KIF6: variants seen among roughly 807,000 people sequenced by gnomAD.
KIF6 encodes kinesin-like protein KIF6.
Under a neutral mutation model 112.7 loss-of-function variants are expected in KIF6, and 106 were observed. The observed-to-expected ratio is 0.94, with a 90% CI of 0.80 to 1.11. KIF6 has a LOEUF of 1.11. KIF6 is among the 50% of genes least tolerant of loss of function. The pLI, the probability that KIF6 is intolerant of heterozygous loss-of-function variation, is 0.00. For synonymous variants in KIF6, 339 were observed against 339.9 expected (o/e 1.00, Z 0.03); for missense variants, 929 against 964.0 (o/e 0.96, Z 0.48).
intron 11 of KIF6, among the ~76,000 whole-genome samples, chr6:39,544,987 C>T (rs1384186026): frequency 2.0e-5 from 3 of 152,166 alleles, no homozygotes; most frequent in African/African-American, 7.2e-5. Flanking sequence ...TTCCCTTTCT[C>T]TATACATCAT....
chr6:39,567,167 T>C (rs531410301), intron 10 of KIF6, among the ~76,000 whole-genome samples: 67 of 152,300 alleles, frequency 4.4e-4, no homozygotes, highest in African/African-American at 1.4e-3. Flanking sequence ...CAAGGAATCA[T>C]AGTAACAGGT....
intron 15 of KIF6, among the ~76,000 whole-genome samples, chr6:39,416,973 G>A (rs534410049): frequency 9.2e-5 from 14 of 152,114 alleles, no homozygotes; most frequent in South Asian, 4.1e-4. Flanking sequence ...GCACCATCCC[G>A]TGCAGACAGG....
rs757716735 is a variant in KIF6 at position 39,634,918 on chromosome 6, T to G, written c.440A>C (p.Glu147Ala). Residue 147 changes from glutamate to alanine, a missense_variant, in exon 5 of 23, where the codon GAA (glutamate) becomes GCA (alanine). Physicochemically the swap from Glu to Ala is moderately radical, Grantham distance 107. Around this residue, in one of 2 missense-constraint regions of KIF6, gnomAD observed 688 missense variants for 662.7 expected, o/e 1.04. Transcript: ENST00000287152. The part of the protein sequence containing the change: ...KIYTTHISYL[E>A]IYNECGYDLL... Reference sequence around the variant, plus strand: ...ATCATAACCACATTCATTGTAGATTTCCAAATAGGAAATGTGTGTTGTATA... The same window carrying G: ...ATCATAACCACATTCATTGTAGATTGCCAAATAGGAAATGTGTGTTGTATA... The G allele has an allele frequency of 1.7e-5, 28 of 1,612,122 alleles. No individual in the cohort carries two copies. Among genetic ancestry groups the G allele is most frequent in the Non-Finnish European group, 2.4e-5 (28 of 1,178,458 alleles).
intron 13 of KIF6, among the ~76,000 whole-genome samples, chr6:39,462,193 G>A (rs548831169): frequency 7.9e-5 from 12 of 152,284 alleles, no homozygotes; most frequent in Middle Eastern, 3.4e-3. Flanking sequence ...GTATGAGAAC[G>A]TTTGGAGGGG....
At chr6:39,532,256 G>A (rs1358710304) in intron 13 of KIF6, among the ~76,000 whole-genome samples, 1 of 152,034 alleles carries the variant, frequency 6.6e-6, no homozygotes, top group African/African-American at 2.4e-5. Flanking sequence ...AGAACTTATA[G>A]GATAAAGATT....
At chr6:39,559,454 G>A (rs1779897290) in intron 10 of KIF6, among the ~76,000 whole-genome samples, 1 of 152,036 alleles carries the variant, frequency 6.6e-6, no homozygotes. Flanking sequence ...TCTGCAACAT[G>A]TCCCTAAAAT....
At chr6:39,540,631 G>C (rs756718216) in intron 12 of KIF6, among the ~76,000 whole-genome samples, 3 of 152,252 alleles carry the variant, frequency 2.0e-5, no homozygotes, top group Non-Finnish European at 4.4e-5. Flanking sequence ...GCCTGCTCGG[G>C]AGGCAGCAGC....
At chr6:39,481,005 C>A (rs11963098) in intron 13 of KIF6, among the ~76,000 whole-genome samples, 2 of 151,860 alleles carry the variant, frequency 1.3e-5, no homozygotes, top group Admixed American at 6.6e-5. Flanking sequence ...TTCAAAGAAC[C>A]GGCCTTTTGT....
At chr6:39,431,943 G>T (rs1479665551) in intron 13 of KIF6, among the ~76,000 whole-genome samples, 3 of 150,580 alleles carry the variant, frequency 2.0e-5, no homozygotes, top group Admixed American at 1.3e-4. Context: ...GATTTTGGAT[G>T]CATCTATAGA....
intron 18 of KIF6, among the ~76,000 whole-genome samples, chr6:39,359,472 C>T (rs980838810): frequency 6.6e-6 from 1 of 152,058 alleles, no homozygotes; most frequent in Non-Finnish European, 1.5e-5. Flanking sequence ...CATGATGGAA[C>T]AGTAACAGCC....
chr6:39,448,315 C>T (rs1014955922), intron 13 of KIF6, among the ~76,000 whole-genome samples: 5 of 152,064 alleles, frequency 3.3e-5, no homozygotes, highest in African/African-American at 1.2e-4. Flanking sequence ...GCTGGGATTA[C>T]AGGCACCTGC....
chr6:39,343,501 G>A lies in KIF6; in HGVS notation c.2428+208C>T. The stretch of plus-strand genomic sequence containing the variant: ...GAGCACCTGGGCCGCCCACCCACTT[G>A]GGCCTGTCTTGGTGTTTCTGATGCT... On this transcript the variant is annotated intron_variant, in intron 22 of 22. Transcript: ENST00000287152. This position sits in a 1 kb window ranked among gnomAD's most constrained non-coding sequence, Gnocchi z 4.1. The A allele has an allele frequency of 5.3e-6, 8 of 1,497,082 alleles. No homozygotes were observed. Among genetic ancestry groups the A allele is most frequent in the Non-Finnish European group, 7.1e-6 (8 of 1,122,008 alleles). 92.7% of individuals were successfully genotyped at this position (1,497,082 alleles called of 1,614,324 possible).
chr6:39,577,943 C>A, intron 10 of KIF6, 113 bp downstream of exon 10: 1 of 657,354 alleles, frequency 1.5e-6, no homozygotes, highest in Non-Finnish European at 2.6e-6. Flanking sequence ...CAATTTCAGA[C>A]TGTCCCAGGA....
intron 10 of KIF6, among the ~76,000 whole-genome samples, chr6:39,547,145 C>T (rs1779111973): frequency 6.6e-6 from 1 of 152,020 alleles, no homozygotes; most frequent in Non-Finnish European, 1.5e-5. Context: ...ATACTTTCAG[C>T]ATCTTTTAAA....
chr6:39,682,113 G>A (rs1787554767), intron 3 of KIF6, among the ~76,000 whole-genome samples: 2 of 152,116 alleles, frequency 1.3e-5, no homozygotes, highest in Admixed American at 6.5e-5. Flanking sequence ...ATGTTCTCAT[G>A]GAACTTATGT....
In KIF6 at chr6:39,626,516, G is replaced by C. The variant is rs114638875; in HGVS notation, c.509+8333C>G. On this transcript the variant is annotated intron_variant, in intron 5 of 22. Transcript: ENST00000287152. ...CTCTTAGCAGACATGAAATCCTGGG[G>C]TAACAGCACACAATCTCTGTGAACC... Among the ~76,000 whole-genome samples, 1,180 of 152,222 alleles carry C rather than the reference G, an allele frequency of 7.8e-3. 19 individuals carry two copies. Among genetic ancestry groups the C allele is most frequent in the African/African-American group, 0.027 (1,123 of 41,544 alleles).
chr6:39,622,383 G>A (rs1783876723), intron 5 of KIF6, among the ~76,000 whole-genome samples: 3 of 152,018 alleles, frequency 2.0e-5, no homozygotes, highest in Non-Finnish European at 2.9e-5. Context: ...ACACATAAAA[G>A]TTTAAATTCT....
chr6:39,665,732 G>A (rs1179659456), intron 3 of KIF6, among the ~76,000 whole-genome samples: 1 of 151,144 alleles, frequency 6.6e-6, no homozygotes, highest in African/African-American at 2.4e-5. Context: ...TTTTCTTTTA[G>A]GACATAACTC....
chr6:39,605,452 C>CT (rs1161589367), intron 6 of KIF6, among the ~76,000 whole-genome samples: 1 of 151,894 alleles, frequency 6.6e-6, no homozygotes, highest in African/African-American at 2.4e-5. Flanking sequence ...TTCAAACTGT[C>CT]TTTTTTATAC....
Sources: allele counts gnomAD v4.1 joint callset (sites outside exome capture counted in the v4.1 genomes callset), GRCh38; gene constraint gnomAD v4.1.1; regional missense constraint gnomAD v4.1.1; non-coding constraint Gnocchi (gnomAD v3.1); transcripts MANE v1.5; gene names NCBI Gene and HGNC (gene_info 2026-07-23, HGNC 2026-07-21).